The following VPS13B variants were observed in gnomAD, a reference collection of about 807,000 sequenced individuals.
VPS13B encodes the protein intermembrane lipid transfer protein VPS13B.
Under a neutral mutation model 426.4 loss-of-function variants are expected in VPS13B, and 285 were observed. The observed-to-expected ratio is 0.67, with a 90% CI of 0.61 to 0.74. The LOEUF (loss-of-function observed/expected upper bound fraction) is 0.74, where lower values mean the gene tolerates loss of function less well. Among genes scored for constraint, VPS13B ranks in the 30% least tolerant of loss-of-function variants. The pLI, the probability that VPS13B is intolerant of heterozygous loss-of-function variation, is 0.00. For missense variants in VPS13B, 4,537 were observed against 4,782.6 expected (o/e 0.95, Z 1.51); for synonymous variants, 1,676 against 1,676.4 (o/e 1.00, Z 0.01).
chr8:99,579,524 C>T (rs899896677), intron 33 of VPS13B, among the ~76,000 whole-genome samples: 1 of 151,804 alleles, frequency 6.6e-6, no homozygotes, highest in Non-Finnish European at 1.5e-5. Context: ...CAGTATCCCA[C>T]GTAGCTGGGA....
At chr8:99,721,125 C>T (rs1041464307) in intron 39 of VPS13B, 78 bp downstream of exon 39, 4 of 1,435,476 alleles carry the variant, frequency 2.8e-6, no homozygotes, top group Middle Eastern at 3.5e-4. Flanking sequence ...ATGTTTGGAA[C>T]ATACTTACTT....
chr8:99,445,200 A>G (rs1489661478), intron 23 of VPS13B, among the ~76,000 whole-genome samples: 1 of 149,860 alleles, frequency 6.7e-6, no homozygotes, highest in Non-Finnish European at 1.5e-5. Context: ...CATTTGTAAT[A>G]TGAAATTTTT....
intron 1 of VPS13B, 33 bp from the exon 2 acceptor site, chr8:99,013,727 C>T: frequency 1.2e-6 from 2 of 1,606,746 alleles, no homozygotes; most frequent in Non-Finnish European, 8.5e-7. Context: ...CACTCTACCG[C>T]CGACTTCTAA....
At chr8:99,518,135 G>C (rs532804568) in intron 29 of VPS13B, among the ~76,000 whole-genome samples, 1 of 151,954 alleles carries the variant, frequency 6.6e-6, no homozygotes, top group Admixed American at 6.6e-5. Flanking sequence ...CACCAAGTAC[G>C]TCATTTCTCC....
chr8:99,699,039 G>C (rs75150816), intron 35 of VPS13B, among the ~76,000 whole-genome samples: 1 of 150,720 alleles, frequency 6.6e-6, no homozygotes, highest in Non-Finnish European at 1.5e-5. Context: ...TTTTCTGCAT[G>C]AACAATTAGA....
chr8:99,325,776 T>G (rs1810224269), intron 19 of VPS13B, among the ~76,000 whole-genome samples: 1 of 152,172 alleles, frequency 6.6e-6, no homozygotes, highest in African/African-American at 2.4e-5. Flanking sequence ...GGTAATTTCC[T>G]GTTTAGGTCT....
chr8:99,179,842 G>A (rs895898671), intron 16 of VPS13B, among the ~76,000 whole-genome samples: 7 of 151,406 alleles, frequency 4.6e-5, no homozygotes, highest in Non-Finnish European at 7.4e-5. Context: ...TTTTTTTTTG[G>A]TTTTCTGATT....
chr8:99,602,251 G>C (rs1303987279), intron 33 of VPS13B, among the ~76,000 whole-genome samples: 1 of 152,186 alleles, frequency 6.6e-6, no homozygotes, highest in African/African-American at 2.4e-5. Context: ...TTATTAAATA[G>C]GGAATCCTTT....
Position 99,562,911 on chromosome 8 carries a change from T to C in VPS13B, c.4949+6258T>C, listed in dbSNP as rs116639628. On this transcript the variant is annotated intron_variant, in intron 31 of 61. Coordinates refer to ENST00000357162, the MANE Select transcript of VPS13B (RefSeq NM_152564.5). ...GGCTCATGCTTGTAATCCTAACATT[T>C]TGAGAGGCCAAAGCGGGAGGATCGC... Among the ~76,000 whole-genome samples the C allele has an allele frequency of 4.5e-3, 689 of 152,190 alleles. 9 individuals are homozygous for C. Among genetic ancestry groups the C allele is most frequent in the African/African-American group, 0.015 (604 of 41,498 alleles).
chr8:99,457,462 C>T (rs1818542421), intron 23 of VPS13B, among the ~76,000 whole-genome samples: 1 of 152,128 alleles, frequency 6.6e-6, no homozygotes, highest in African/African-American at 2.4e-5. Flanking sequence ...TTCTCTCATT[C>T]CTCATTCTGG....
chr8:99,651,019 G>C (rs556714341), intron 34 of VPS13B, among the ~76,000 whole-genome samples: 1 of 152,166 alleles, frequency 6.6e-6, no homozygotes, highest in South Asian at 2.1e-4. Context: ...GATATAAATA[G>C]GCTATAATGC....
chr8:99,084,890 G>A (rs1056513133), intron 3 of VPS13B, among the ~76,000 whole-genome samples: 2 of 152,138 alleles, frequency 1.3e-5, no homozygotes, highest in Non-Finnish European at 2.9e-5. Context: ...GATCAATTTT[G>A]GAATAAGTGC....
intron 39 of VPS13B, among the ~76,000 whole-genome samples, chr8:99,738,314 A>G (rs945531989): frequency 1.3e-5 from 2 of 152,244 alleles, no homozygotes; most frequent in African/African-American, 4.8e-5. Flanking sequence ...CCATGAGGAA[A>G]AGCCATTTCA....
At chr8:99,185,939 T>G (rs527957143) in intron 16 of VPS13B, among the ~76,000 whole-genome samples, 1 of 152,152 alleles carries the variant, frequency 6.6e-6, no homozygotes, top group Non-Finnish European at 1.5e-5. Context: ...TCATTTTTAG[T>G]CTTCGCTACT....
chr8:99,872,477 A>G (rs901340802), intron 61 of VPS13B, among the ~76,000 whole-genome samples: 13 of 152,206 alleles, frequency 8.5e-5, no homozygotes, highest in Non-Finnish European at 1.6e-4. Flanking sequence ...ACAGATGCGC[A>G]GGCAAGGCAT....
At chr8:99,075,973 C>A (rs947972482) in intron 3 of VPS13B, among the ~76,000 whole-genome samples, 6 of 152,060 alleles carry the variant, frequency 3.9e-5, no homozygotes, top group East Asian at 1.9e-4. Context: ...TGAAATCTTT[C>A]TACTTTTTTG....
chr8:99,837,519 G>A (rs1241227560), intron 54 of VPS13B, among the ~76,000 whole-genome samples: 1 of 152,020 alleles, frequency 6.6e-6, no homozygotes, highest in East Asian at 1.9e-4. Flanking sequence ...CCTTATTTTG[G>A]GGATTCCCAT....
intron 14 of VPS13B, among the ~76,000 whole-genome samples, chr8:99,150,008 A>G (rs1366465508): frequency 1.3e-5 from 2 of 152,196 alleles, no homozygotes; most frequent in Non-Finnish European, 2.9e-5. Flanking sequence ...GTCCGCTGAC[A>G]GTGATAATCA....
At chr8:99,561,401 A>G (rs1319247646) in intron 31 of VPS13B, among the ~76,000 whole-genome samples, 2 of 152,184 alleles carry the variant, frequency 1.3e-5, no homozygotes, top group Admixed American at 1.3e-4. Context: ...CAATCTTTTT[A>G]TAGCCGAATA....
Sources: gnomAD v4.1 joint callset for allele counts (sites outside exome capture counted in the v4.1 genomes callset) on GRCh38, gnomAD v4.1.1 for gene constraint, MANE v1.5 for transcripts, NCBI Gene and HGNC (gene_info 2026-07-23, HGNC 2026-07-21) for gene names.